CECR2: variants seen among roughly 807,000 people sequenced by gnomAD.
CECR2 encodes chromatin remodeling regulator CECR2.
A neutral mutation model predicts 154.5 loss-of-function variants in CECR2; 30 were observed. The observed-to-expected ratio is 0.19, with a 90% CI of 0.15 to 0.26. The LOEUF (loss-of-function observed/expected upper bound fraction) is 0.26. CECR2 is among the 10% of genes least tolerant of loss of function. The pLI is 1.00. For missense variants in CECR2, 1,743 were observed against 1,829.3 expected, an observed-to-expected ratio of 0.95 and a Z score of 0.86; for synonymous variants, 725 against 683.7, an observed-to-expected ratio of 1.06 and a Z score of -0.94.
At position 17,548,768 on chromosome 22, in the gene CECR2, A is replaced by G. The variant is rs554572738; in HGVS notation, c.3481A>G (p.Arg1161Gly). 1.2e-6 allele frequency: 2 copies of G among 1,613,738 alleles called. No individual in the cohort carries two copies. Among genetic ancestry groups the G allele is most frequent in the African/African-American group, 1.3e-5 (1 of 75,002 alleles). Residue 1161 changes from arginine to glycine, a missense_variant, in exon 17 of 19, where the codon AGG becomes GGG. Transcript: ENST00000262608. ...ATCCCATCCCCAGCATTTTCCCCCA[A>G]GGGGCTTTCAGTCTAACCACCCACA... Reference protein sequence around the residue: ...PASHPQHFPPRGFQSNHPHSG... With the variant: ...PASHPQHFPPGGFQSNHPHSG...
rs8141168 is a variant in CECR2, at chr22:17,552,887, A to G, written c.*47A>G. The G allele has an allele frequency of 4.4e-5, 68 of 1,548,166 alleles. 1 individual carries two copies. In the African/African-American group the frequency reaches 7.8e-4, roughly 18 times the overall value. ...AAGCAATGGAAAGCTGCACACGAAG[A>G]CTGGAATGTGGAGAACTGGGGAGTG... On this transcript the variant is annotated 3_prime_UTR_variant, in exon 19 of 19. Transcript: ENST00000262608.
In CECR2 at chr22:17,540,589, G is replaced by C; in HGVS notation, c.1673G>C (p.Arg558Thr). 6.2e-7 allele frequency: 1 copy of C among 1,613,304 alleles called. No homozygotes were observed. Among genetic ancestry groups the C allele is most frequent in the South Asian group, 1.1e-5 (1 of 90,888 alleles). The change falls in exon 14 of 19, where the codon AGG (arginine) becomes ACG (threonine). Residue 558 changes from arginine to threonine, a missense_variant. Around this residue, in one of 4 missense-constraint regions of CECR2, gnomAD observed 1,250 missense variants for 1,192.1 expected, o/e 1.05. Transcript: ENST00000262608. The part of the protein sequence containing the change: ...SGGSHVWTRS[R>T]DPEGSSRKQQ... ...GGGAGCCATGTTTGGACCCGCTCCAGGGACCCAGAAGGGTCCAGCAGGAAA... is the reference window on the plus strand; with the variant it reads ...GGGAGCCATGTTTGGACCCGCTCCACGGACCCAGAAGGGTCCAGCAGGAAA...
chr22:17,372,812 G>T (rs1426845337), intron 1 of CECR2, among the ~76,000 whole-genome samples: 1 of 152,070 alleles, frequency 6.6e-6, no homozygotes, highest in Non-Finnish European at 1.5e-5. Flanking sequence ...GTAGAAGTTG[G>T]GTATCAGTTA....
chr22:17,395,470 A>G lies in CECR2; in HGVS notation c.126+25561A>G, dbSNP rs532442339. Among the ~76,000 whole-genome samples, 3 of 151,756 alleles carry G rather than the reference A, an allele frequency of 2.0e-5. No individual in the cohort carries two copies. The East Asian group carries it at 5.8e-4, about 29-fold the overall frequency. On this transcript the variant is annotated intron_variant, in intron 1 of 18. Transcript: ENST00000262608. Reference sequence around the variant, plus strand: ...AGTGGTTCTCATGCCTTAGCCTCTCAAGTAGCCGCGATTACAGGCACACGC... The same window carrying G: ...AGTGGTTCTCATGCCTTAGCCTCTCGAGTAGCCGCGATTACAGGCACACGC...
intron 1 of CECR2, among the ~76,000 whole-genome samples, chr22:17,459,766 CTT>C (rs986095573): frequency 5.9e-5 from 9 of 152,218 alleles, no homozygotes; most frequent in Non-Finnish European, 1.3e-4. Flanking sequence ...ATCCTTCACT[CTT>C]TGAAAATCTT....
intron 9 of CECR2, among the ~76,000 whole-genome samples, chr22:17,525,266 CA>C (rs2056239329): frequency 1.2e-5 from 1 of 80,764 alleles, no homozygotes; most frequent in Non-Finnish European, 2.2e-5. Flanking sequence ...GCCTGGGCAA[CA>C]AGAGTGAAAC....
chr22:17,500,837 A>T lies in CECR2; in HGVS notation c.650+102A>T, dbSNP rs150966413. The T allele has an allele frequency of 1.1e-5, 9 of 805,460 alleles. No homozygotes were observed. The African/African-American group carries it at 1.6e-4, about 14-fold the overall frequency. 49.9% of individuals were successfully genotyped at this position (805,460 alleles called of 1,614,324 possible). On this transcript the variant is annotated intron_variant, in intron 5 of 18. Transcript: ENST00000262608. ...TTGCCTGTGCCATGGGAAGCACATT[A>T]TTATAGCAACCTGAAACTGAGTCCT...
rs2054106341 is a variant in CECR2, at chr22:17,413,915, G to A, written c.126+44006G>A. 2.0e-5 allele frequency among the ~76,000 whole-genome samples: 3 copies of A among 149,960 alleles called. No homozygotes were observed. In the Admixed American group the frequency reaches 2.0e-4, roughly 10 times the overall value. On this transcript the variant is annotated intron_variant, in intron 1 of 18. Coordinates refer to ENST00000262608, the MANE Select transcript of CECR2 (RefSeq NM_001290047.2). ...GATGGTCTCGATCACCTGACCTTGT[G>A]ATCCGCCCACCTCGGCCTCCCAAAG...
chr22:17,506,231 C>G (rs1204421919), intron 7 of CECR2, among the ~76,000 whole-genome samples: 3 of 152,112 alleles, frequency 2.0e-5, no homozygotes, highest in Non-Finnish European at 2.9e-5. Context: ...CCTCAATCTC[C>G]CAGGCCGAAG....
At chr22:17,504,769 G>A (rs2055806426) in intron 6 of CECR2, 78 bp from the exon 7 acceptor site, 3 of 1,376,144 alleles carry the variant, frequency 2.2e-6, no homozygotes, top group Admixed American at 2.0e-5. Context: ...ATGACCCACA[G>A]TAGAAACAAA....
At chr22:17,441,832 A>T (rs2054589085) in intron 1 of CECR2, among the ~76,000 whole-genome samples, 1 of 152,258 alleles carries the variant, frequency 6.6e-6, no homozygotes, top group African/African-American at 2.4e-5. Flanking sequence ...AAATGTGATT[A>T]AGATGTATAA....
chr22:17,399,214 C>G (rs1339298934), intron 1 of CECR2, among the ~76,000 whole-genome samples: 1 of 152,154 alleles, frequency 6.6e-6, no homozygotes. Context: ...GATGCCCATC[C>G]TGGCTTTAGC....
intron 1 of CECR2, among the ~76,000 whole-genome samples, chr22:17,417,847 C>G (rs562379939): frequency 1.3e-5 from 2 of 152,086 alleles, no homozygotes; most frequent in Admixed American, 6.5e-5. Flanking sequence ...TCCTGAACTC[C>G]TGACCTCAAG....
At chr22:17,532,424 G>C (rs1049930338) in intron 9 of CECR2, among the ~76,000 whole-genome samples, 1 of 152,054 alleles carries the variant, frequency 6.6e-6, no homozygotes, top group Non-Finnish European at 1.5e-5. Flanking sequence ...TAGAATAATA[G>C]AATGAAACTT....
At chr22:17,489,892 T>TC (rs1162262604) in intron 2 of CECR2, among the ~76,000 whole-genome samples, 1 of 151,926 alleles carries the variant, frequency 6.6e-6, no homozygotes, top group Non-Finnish European at 1.5e-5. Context: ...CTTTTTTTTT[T>TC]TTTGCTTCTT....
chr22:17,497,700 C>A, intron 3 of CECR2, 114 bp downstream of exon 3: 1 of 985,190 alleles, frequency 1.0e-6, no homozygotes, highest in Non-Finnish European at 1.5e-6. Flanking sequence ...TGGTACTAGT[C>A]TTGGTACTAT....
chr22:17,545,374 CAAAAAAA>C (rs695493), intron 16 of CECR2, among the ~76,000 whole-genome samples: 90 of 46,446 alleles, frequency 1.9e-3, no homozygotes, highest in African/African-American at 7.7e-3. Flanking sequence ...GACTCCGTCT[CAAAAAAA>C]AAAAAAAAAA....
intron 1 of CECR2, among the ~76,000 whole-genome samples, chr22:17,464,484 G>T (rs115606426): frequency 7.9e-5 from 12 of 152,046 alleles, no homozygotes; most frequent in Admixed American, 1.3e-4. Context: ...CATTTTTAAG[G>T]AATAAAAGTC....
At chr22:17,376,516 A>G (rs1017723383) in intron 1 of CECR2, among the ~76,000 whole-genome samples, 2 of 151,970 alleles carry the variant, frequency 1.3e-5, no homozygotes, top group Admixed American at 1.3e-4. Context: ...CGCTTGGCAG[A>G]GTGCGGAAAA....
Sources: allele counts gnomAD v4.1 joint callset (sites outside exome capture counted in the v4.1 genomes callset), GRCh38; gene constraint gnomAD v4.1.1; regional missense constraint gnomAD v4.1.1; transcripts MANE v1.5; gene names NCBI Gene and HGNC (gene_info 2026-07-23, HGNC 2026-07-21).